ISM1: variants seen among roughly 807,000 people sequenced by gnomAD.
ISM1 encodes isthmin-1.
In ISM1, 25 loss-of-function variants were observed where a neutral mutation model predicts 46.3. That is an observed-to-expected ratio of 0.54 (90% CI 0.39 to 0.75). The LOEUF (loss-of-function observed/expected upper bound fraction) is 0.75, where lower values mean the gene tolerates loss of function less well. Ranked by LOEUF, ISM1 falls within the 30% of genes least tolerant of loss-of-function variation. The pLI, the probability that ISM1 is intolerant of heterozygous loss-of-function variation, is 0.00. For missense variants in ISM1, 536 were observed against 625.4 expected (o/e 0.86, Z 1.52); for synonymous variants, 255 against 256.7 (o/e 0.99, Z 0.06).
downstream of ISM1, among the ~76,000 whole-genome samples, chr20:13,301,241 T>A (rs1428551057): frequency 6.6e-6 from 1 of 152,060 alleles, no homozygotes. Context: ...CAAGCTGGAG[T>A]GCAGTGACGT....
intron 4 of ISM1, 120 bp from the exon 5 acceptor site, chr20:13,292,254 G>A (rs747007471): frequency 5.9e-5 from 38 of 644,798 alleles, no homozygotes; most frequent in Non-Finnish European, 8.5e-5. Flanking sequence ...GTTTCTGCCC[G>A]TGAGTAGTAA....
At chr20:13,290,924 C>T (rs1273608107) in intron 4 of ISM1, among the ~76,000 whole-genome samples, 9 of 152,150 alleles carry the variant, frequency 5.9e-5, no homozygotes, top group African/African-American at 1.4e-4. Context: ...AATTTGAATC[C>T]GGACAGTCTG....
intron 2 of ISM1, among the ~76,000 whole-genome samples, chr20:13,274,038 C>T (rs2040145670): frequency 1.3e-5 from 2 of 149,796 alleles, no homozygotes; most frequent in Admixed American, 6.6e-5. Context: ...CTGGGAGCCC[C>T]CGCCTTCTGT....
intron 1 of ISM1, among the ~76,000 whole-genome samples, chr20:13,250,787 C>T (rs1228365283): frequency 1.3e-5 from 2 of 152,174 alleles, no homozygotes; most frequent in Non-Finnish European, 2.9e-5. Context: ...TGGATACATG[C>T]CCTGCAGCTC....
At chr20:13,268,004 G>C (rs2040061969) in intron 1 of ISM1, among the ~76,000 whole-genome samples, 1 of 152,218 alleles carries the variant, frequency 6.6e-6, no homozygotes. Flanking sequence ...TTTAGGGTTG[G>C]AGATTAAGGG....
chr20:13,269,099 A>G (rs1016156892), intron 1 of ISM1, among the ~76,000 whole-genome samples: 1 of 152,170 alleles, frequency 6.6e-6, no homozygotes, highest in Non-Finnish European at 1.5e-5. Flanking sequence ...GGTGGGGGGC[A>G]AAGAGGGCGT....
chr20:13,303,514 G>T (rs560492483), downstream of ISM1, among the ~76,000 whole-genome samples: 190 of 152,326 alleles, frequency 1.2e-3, 1 homozygote, highest in Non-Finnish European at 2.4e-3. Context: ...GTTAGGTAGA[G>T]CTCAGGGGCA....
chr20:13,295,085 A>G (rs1305343812), intron 5 of ISM1, among the ~76,000 whole-genome samples: 2 of 151,986 alleles, frequency 1.3e-5, no homozygotes, highest in African/African-American at 4.8e-5. Flanking sequence ...ATTTCCACCC[A>G]CACCACCACC....
chr20:13,255,181 T>C (rs66629796), intron 1 of ISM1, among the ~76,000 whole-genome samples: 31,947 of 152,212 alleles, frequency 0.21, 3,659 homozygotes, highest in East Asian at 0.42. Context: ...AAGTCCTCTC[T>C]CTCTGGAGGT....
At chr20:13,292,231 C>A (rs1292648913) in intron 4 of ISM1, 143 bp from the exon 5 acceptor site, 6 of 612,886 alleles carry the variant, frequency 9.8e-6, no homozygotes, top group Non-Finnish European at 1.7e-5. Context: ...TTTACTGTTT[C>A]CTCTGTTGGC....
chr20:13,285,106 G>A (rs6109794), intron 3 of ISM1, among the ~76,000 whole-genome samples: 1 of 152,162 alleles, frequency 6.6e-6, no homozygotes, highest in African/African-American at 2.4e-5. Flanking sequence ...GGGCAACATA[G>A]TGAAACCTCA....
intron 1 of ISM1, among the ~76,000 whole-genome samples, chr20:13,245,769 T>C (rs2039785322): frequency 6.6e-6 from 1 of 152,246 alleles, no homozygotes. Context: ...TGCTCTCCTC[T>C]GCTCACAAAC....
In ISM1 at chr20:13,298,488, C is replaced by T. The variant is rs181475285; in HGVS notation, c.878-454C>T. Among the ~76,000 whole-genome samples the T allele has an allele frequency of 1.3e-4, 20 of 152,158 alleles. 1 individual carries two copies. Among genetic ancestry groups the T allele is most frequent in the South Asian group, 4.2e-4 (2 of 4,816 alleles). On this transcript the variant is annotated intron_variant, in intron 5 of 5. Transcript: ENST00000262487. The stretch of plus-strand genomic sequence containing the variant: ...TTTGTTAGGAGTGATAATCGGATCA[C>T]GGTTATCTAGGAAAATATCCTCTTT...
At chr20:13,290,753 C>G (rs2040344737) in intron 4 of ISM1, among the ~76,000 whole-genome samples, 1 of 152,180 alleles carries the variant, frequency 6.6e-6, no homozygotes, top group South Asian at 2.1e-4. Context: ...ACTTAAGTGT[C>G]AAGCAAATGG....
the ISM1 span, among the ~76,000 whole-genome samples, chr20:13,307,245 C>T: frequency 6.6e-6 from 1 of 152,160 alleles, no homozygotes; most frequent in Non-Finnish European, 1.5e-5. Context: ...AGCCAATTGG[C>T]CATCCTTTGG....
At chr20:13,247,895 C>A (rs1210751540) in intron 1 of ISM1, among the ~76,000 whole-genome samples, 3 of 152,170 alleles carry the variant, frequency 2.0e-5, no homozygotes, top group Non-Finnish European at 4.4e-5. Flanking sequence ...AATCCTCTAA[C>A]CACAGTGCAA....
At chr20:13,311,243 T>TAGATAGATAGATGATAGATA in the ISM1 span, among the ~76,000 whole-genome samples, 682 of 127,868 alleles carry the variant, frequency 5.3e-3, 4 homozygotes, top group East Asian at 0.014. Flanking sequence ...GATAGATAGA[T>TAGATAGATAGATGATAGATA]GATAGATAGA....
intron 1 of ISM1, among the ~76,000 whole-genome samples, chr20:13,258,369 G>C (rs1403561600): frequency 6.6e-6 from 1 of 152,004 alleles, no homozygotes. Flanking sequence ...CTGGAGATGT[G>C]AGCTCTCCCT....
the ISM1 span, among the ~76,000 whole-genome samples, chr20:13,322,706 T>C: frequency 6.6e-6 from 1 of 152,184 alleles, no homozygotes; most frequent in African/African-American, 2.4e-5. Flanking sequence ...CTGCAAAGCT[T>C]AGATTACTTC....
Sources: gnomAD v4.1 joint callset for allele counts (sites outside exome capture counted in the v4.1 genomes callset) on GRCh38, gnomAD v4.1.1 for gene constraint, MANE v1.5 for transcripts, NCBI Gene and HGNC (gene_info 2026-07-23, HGNC 2026-07-21) for gene names.